Variants in SRRM4 observed in about 807,000 individuals in gnomAD.
SRRM4 encodes the protein serine/arginine repetitive matrix protein 4.
SRRM4 carries 33 observed loss-of-function variants against 68.9 expected under a neutral mutation model. The ratio of observed to expected loss-of-function variants is 0.48; its 90% confidence interval spans 0.36 to 0.64. The LOEUF (loss-of-function observed/expected upper bound fraction) is 0.64. Among genes scored for constraint, SRRM4 ranks in the 30% least tolerant of loss-of-function variants. SRRM4 has a pLI of 0.00. For missense variants in SRRM4, 817 were observed against 827.1 expected (o/e 0.99, Z 0.15); for synonymous variants, 318 against 318.8 (o/e 1.00, Z 0.03).
intron 1 of SRRM4, chr12:118,989,881 A>G (rs1953305743): frequency 6.6e-6 from 1 of 152,164 alleles, no homozygotes; most frequent in Non-Finnish European, 1.5e-5. Context: ...GTTAAAAGTT[A>G]AGCTTAGGCA....
At chr12:119,129,829 CTGAATGGTTAGATGGATGAATGGA>C (rs1954282610) in intron 7 of SRRM4, among the ~76,000 whole-genome samples, 1 of 149,802 alleles carries the variant, frequency 6.7e-6, no homozygotes, top group Non-Finnish European at 1.5e-5. Context: ...GGATGAATGG[CTGAATGGTTAGATGGATGAATGGA>C]TGAATGGTTA....
intron 1 of SRRM4, among the ~76,000 whole-genome samples, chr12:119,034,008 TG>T (rs1953610454): frequency 1.3e-5 from 2 of 152,278 alleles, no homozygotes; most frequent in African/African-American, 4.8e-5. Flanking sequence ...TTTCACAGAT[TG>T]GGTTGTCTGG....
rs1954509339 is a variant in SRRM4 at position 119,160,943 on chromosome 12, C to T, written c.*4145C>T. On this transcript the variant is annotated 3_prime_UTR_variant, in exon 13 of 13. Coordinates refer to ENST00000267260, the MANE Select transcript of SRRM4 (RefSeq NM_194286.4). ...ATCATATTCCTATCTGCATTCCTTC[C>T]CTTCTTTGAAGGACAGCTGATCTTT... 6.6e-6 allele frequency: 1 copy of T among 152,162 alleles called. No individual in the cohort carries two copies. The highest frequency in any genetic ancestry group is 2.4e-5 in the African/African-American group (1 of 41,430). The allele number at this position is 152,162 out of a possible 1,614,324, so 9.4% of individuals were successfully genotyped here. A position where few individuals can be genotyped will look rare whatever the true frequency, so the allele number is the denominator to read the frequency against.
Position 119,037,448 on chromosome 12 carries a change from G to A in SRRM4, c.131+55435G>A, listed in dbSNP as rs544978317. On this transcript the variant is annotated intron_variant, in intron 1 of 12. Transcript: ENST00000267260. ...TCAGAATGAGGATTGGATTTCTGTTGAATTTTTTATGGATGCCTGTAAGCC... is the reference window on the plus strand; with the variant it reads ...TCAGAATGAGGATTGGATTTCTGTTAAATTTTTTATGGATGCCTGTAAGCC... Among the ~76,000 whole-genome samples the A allele has an allele frequency of 4.1e-4, 63 of 152,282 alleles. 1 individual carries two copies. Among genetic ancestry groups the A allele is most frequent in the African/African-American group, 1.5e-3 (62 of 41,562 alleles).
chr12:119,111,961 G>A lies in SRRM4; in HGVS notation c.279-2317G>A, dbSNP rs1391118071. ...CTAGGAAGGCTGAGGCAGGAGAATC[G>A]CTTGAACCCAGGAGATGGAGGTTGC... On this transcript the variant is annotated intron_variant, in intron 2 of 12. Coordinates refer to ENST00000267260, the MANE Select transcript of SRRM4 (RefSeq NM_194286.4). 3.3e-5 allele frequency among the ~76,000 whole-genome samples: 5 copies of A among 152,036 alleles called. No individual in the cohort carries two copies. In the South Asian group the frequency reaches 6.2e-4, roughly 19 times the overall value.
chr12:119,060,326 C>T (rs1279922766), intron 1 of SRRM4, among the ~76,000 whole-genome samples: 2 of 150,508 alleles, frequency 1.3e-5, no homozygotes, highest in Admixed American at 1.3e-4. Context: ...GCCATGGATC[C>T]AAAGTGGAAA....
chr12:119,096,691 A>T (rs1449568344), intron 1 of SRRM4, among the ~76,000 whole-genome samples: 4 of 152,152 alleles, frequency 2.6e-5, no homozygotes, highest in Non-Finnish European at 5.9e-5. Flanking sequence ...GCTGAGCTGG[A>T]TCTGGGGTTC....
Position 119,068,409 on chromosome 12 carries a change from G to A in SRRM4, c.132-33827G>A, listed in dbSNP as rs114319928. ...CAAAAAGGGAGCCAAGGCAGTCTTC[G>A]TGCAGACTGCTTCTGCCACCAGCCT... is the stretch of plus-strand genomic sequence containing the variant. On this transcript the variant is annotated intron_variant, in intron 1 of 12. Transcript: ENST00000267260. 8.9e-3 allele frequency among the ~76,000 whole-genome samples: 1,350 copies of A among 152,236 alleles called. 22 individuals carry two copies. Among genetic ancestry groups the A allele is most frequent in the African/African-American group, 0.031 (1,277 of 41,548 alleles).
intron 1 of SRRM4, among the ~76,000 whole-genome samples, chr12:119,076,134 A>G (rs1953914368): frequency 6.6e-6 from 1 of 150,866 alleles, no homozygotes; most frequent in Non-Finnish European, 1.5e-5. Flanking sequence ...ATGAATGATG[A>G]TGATGACAAT....
At chr12:119,109,450 T>G (rs1231929313) in intron 2 of SRRM4, among the ~76,000 whole-genome samples, 1 of 152,250 alleles carries the variant, frequency 6.6e-6, no homozygotes, top group Non-Finnish European at 1.5e-5. Context: ...CACTTTCAGG[T>G]ATACCAATCA....
chr12:119,039,599 G>T (rs180917855), intron 1 of SRRM4, among the ~76,000 whole-genome samples: 1 of 152,132 alleles, frequency 6.6e-6, no homozygotes, highest in Non-Finnish European at 1.5e-5. Context: ...TGAAAGTTCC[G>T]CATCCCAGGA....
At chr12:119,012,584 T>C (rs1327223251) in intron 1 of SRRM4, among the ~76,000 whole-genome samples, 1 of 152,176 alleles carries the variant, frequency 6.6e-6, no homozygotes, top group Non-Finnish European at 1.5e-5. Context: ...CTTTCTCAAC[T>C]AACAGACTCC....
chr12:119,004,050 T>C (rs1480566151), intron 1 of SRRM4, among the ~76,000 whole-genome samples: 1 of 152,058 alleles, frequency 6.6e-6, no homozygotes, highest in African/African-American at 2.4e-5. Context: ...GTTTGTGGTT[T>C]TTCTCAGCTT....
intron 1 of SRRM4, among the ~76,000 whole-genome samples, chr12:119,070,217 G>A (rs1325959906): frequency 8.3e-5 from 12 of 145,446 alleles, no homozygotes; most frequent in Non-Finnish European, 9.1e-5. Flanking sequence ...ACACAGGTGA[G>A]AAAAAAAAAA....
At chr12:119,081,081 C>T (rs1416009184) in intron 1 of SRRM4, among the ~76,000 whole-genome samples, 3 of 152,164 alleles carry the variant, frequency 2.0e-5, no homozygotes, top group Admixed American at 1.3e-4. Context: ...ATACCAGGCA[C>T]TATTCAAAGA....
intron 2 of SRRM4, 36 bp from the exon 3 acceptor site, chr12:119,114,242 T>G (rs759653073): frequency 5.7e-6 from 9 of 1,580,282 alleles, no homozygotes; most frequent in East Asian, 2.2e-5. Context: ...TGGGGAACCA[T>G]GAGTTATCTA....
At chr12:119,082,308 C>A (rs1592891381) in intron 1 of SRRM4, among the ~76,000 whole-genome samples, 1 of 152,164 alleles carries the variant, frequency 6.6e-6, no homozygotes, top group South Asian at 2.1e-4. Flanking sequence ...CCCCCATCCC[C>A]GCCTCCACCA....
At chr12:119,049,613 T>C (rs898134903) in intron 1 of SRRM4, among the ~76,000 whole-genome samples, 1 of 152,188 alleles carries the variant, frequency 6.6e-6, no homozygotes, top group African/African-American at 2.4e-5. Flanking sequence ...GAGCTCTTAA[T>C]ACGGAGTCTG....
chr12:119,020,754 G>A (rs1175159859), intron 1 of SRRM4, among the ~76,000 whole-genome samples: 1 of 152,224 alleles, frequency 6.6e-6, no homozygotes, highest in Admixed American at 6.5e-5. Context: ...TACAAGAGGG[G>A]CTGGCGAGAG....
Sources: gnomAD v4.1 joint callset for allele counts (sites outside exome capture counted in the v4.1 genomes callset) on GRCh38, gnomAD v4.1.1 for gene constraint, MANE v1.5 for transcripts, NCBI Gene and HGNC (gene_info 2026-07-23, HGNC 2026-07-21) for gene names.